The following SMARCE1 variants were observed in gnomAD, a reference collection of about 807,000 sequenced individuals.
SMARCE1 encodes SWI/SNF related BAF chromatin remodeling complex subunit E1, also known as SWI/SNF-related matrix-associated actin-dependent regulator of chromatin subfamily E member 1.
Under a neutral mutation model 54.9 loss-of-function variants are expected in SMARCE1, and 13 were observed. The observed-to-expected ratio is 0.24, with a 90% CI of 0.15 to 0.38. The LOEUF (loss-of-function observed/expected upper bound fraction) is 0.38. Ranked by LOEUF, SMARCE1 falls within the 10% of genes least tolerant of loss-of-function variation. The pLI, the probability that SMARCE1 is intolerant of heterozygous loss-of-function variation, is 1.00. For synonymous variants in SMARCE1, 151 were observed against 175.3 expected, an observed-to-expected ratio of 0.86 and a Z score of 1.10; for missense variants, 295 against 523.8, an observed-to-expected ratio of 0.56 and a Z score of 4.26.
Position 40,628,514 on chromosome 17 carries a change from G to C in SMARCE1, c.*271C>G. 1 of 377,780 alleles carries C rather than the reference G, an allele frequency of 2.6e-6. No individual in the cohort carries two copies. Among genetic ancestry groups the C allele is most frequent in the Non-Finnish European group, 4.9e-6 (1 of 204,156 alleles). The allele number at this position is 377,780 out of a possible 1,614,324, so 23.4% of individuals were successfully genotyped here. Reference sequence around the variant, plus strand: ...AGCATCAAAGGATAATTCTCTAAAAGAGGTGGGTGTTTTCTCAATTAATCT... The same window carrying C: ...AGCATCAAAGGATAATTCTCTAAAACAGGTGGGTGTTTTCTCAATTAATCT... On this transcript the variant is annotated 3_prime_UTR_variant, in exon 11 of 11. Coordinates refer to ENST00000348513, the MANE Select transcript of SMARCE1 (RefSeq NM_003079.5).
rs1192137338 is a variant in SMARCE1, at chr17:40,627,057, C to T, written c.*1728G>A. On this transcript the variant is annotated 3_prime_UTR_variant, in exon 11 of 11. Coordinates refer to ENST00000348513, the MANE Select transcript of SMARCE1 (RefSeq NM_003079.5). ...GGGGCAGTTTTCCACCCATATTAAACTACATCTGCCCCATTTTGACTACTA... is the reference window on the plus strand; with the variant it reads ...GGGGCAGTTTTCCACCCATATTAAATTACATCTGCCCCATTTTGACTACTA... 1 of 152,184 alleles carries T rather than the reference C, an allele frequency of 6.6e-6. No individual in the cohort carries two copies. Among genetic ancestry groups the T allele is most frequent in the Non-Finnish European group, 1.5e-5 (1 of 68,038 alleles). 9.4% of individuals were successfully genotyped at this position (152,184 alleles called of 1,614,324 possible).
chr17:40,645,867 A>G lies in SMARCE1; in HGVS notation c.-45-20T>C, dbSNP rs2037249983. 13 of 676,040 alleles carry G rather than the reference A, an allele frequency of 1.9e-5. No homozygotes were observed. The highest frequency in any genetic ancestry group is 4.4e-5 in the South Asian group (1 of 22,562). The allele number at this position is 676,040 out of a possible 1,614,324, so 41.9% of individuals were successfully genotyped here. A position where few individuals can be genotyped will look rare whatever the true frequency, so the allele number is the denominator to read the frequency against. On this transcript the variant is annotated intron_variant, in intron 1 of 10. Transcript: ENST00000348513. The stretch of plus-strand genomic sequence containing the variant: ...GAGACACTAAAATAAAAAAAAAAGG[A>G]AAAAAAAAAGAGAATCAAAACTCAG...
chr17:40,644,943 T>C (rs1001199328), intron 3 of SMARCE1: 5 of 152,150 alleles, frequency 3.3e-5, no homozygotes, highest in African/African-American at 1.2e-4. Flanking sequence ...GGTTGGAAAA[T>C]TATTTTACAT....
rs879170113 is a variant in SMARCE1 at position 40,637,419 on chromosome 17, T to C, written c.237+73A>G. The C allele has an allele frequency of 1.1e-4, 133 of 1,213,696 alleles. 2 individuals carry two copies. In the South Asian group the frequency reaches 1.6e-3, roughly 14 times the overall value. 75.2% of individuals were successfully genotyped at this position (1,213,696 alleles called of 1,614,324 possible). A position where few individuals can be genotyped will look rare whatever the true frequency, so the allele number is the denominator to read the frequency against. ...TGCACAGAAAAGCTGGCTAAGCCGA[T>C]CTAAAGTTGGATGTTAAGCAAAGAA... On this transcript the variant is annotated intron_variant, in intron 5 of 10. Coordinates refer to ENST00000348513, the MANE Select transcript of SMARCE1 (RefSeq NM_003079.5).
chr17:40,637,470 T>G, intron 5 of SMARCE1, 22 bp downstream of exon 5: 1 of 1,583,206 alleles, frequency 6.3e-7, no homozygotes, highest in South Asian at 1.1e-5. Flanking sequence ...TCCTCACTCC[T>G]TACCAGGTCC....
Position 40,632,259 on chromosome 17 carries a change from GACCGAACGTCTGGC to G in SMARCE1, c.636_649del (p.Pro213SerfsTer6). On this transcript the variant is annotated frameshift_variant, in exon 8 of 11. Transcript: ENST00000348513. LOFTEE classifies it high-confidence loss of function. ...CTGCATTCTAGCTGTTGTGACAACT[GACCGAACGTCTGGC>G]ACCACACTCTCACTAAGAATTTCAC... 1 of 1,613,942 alleles carries G rather than the reference GACCGAACGTCTGGC, an allele frequency of 6.2e-7. No homozygotes were observed. The highest frequency in any genetic ancestry group is 8.5e-7 in the Non-Finnish European group (1 of 1,179,858).
Position 40,628,820 on chromosome 17 carries a change from T to C in SMARCE1, c.1201A>G (p.Thr401Ala). 1 of 1,613,820 alleles carries C rather than the reference T, an allele frequency of 6.2e-7. No individual in the cohort carries two copies. Residue 401 changes from threonine (T) to alanine (A), a missense_variant, in exon 11 of 11, where the codon ACA becomes GCA. Thr to Ala is a moderately conservative substitution (Grantham distance 58). This residue lies in a region of SMARCE1 where 147 missense variants were observed against 161.4 expected (regional missense o/e 0.91). Transcript: ENST00000348513. Reference sequence around the variant, plus strand: ...TTCTCATCTTCTGGTATGGGATCTGTTGGTGGCTCCTCCACTGTTGCACTG... The same window carrying C: ...TTCTCATCTTCTGGTATGGGATCTGCTGGTGGCTCCTCCACTGTTGCACTG... ...SNSATVEEPP[T>A]DPIPEDEKKE
rs750483952 is a variant in SMARCE1 at position 40,630,739 on chromosome 17, G to C, written c.1002C>G (p.Asp334Glu). 7.4e-6 allele frequency: 12 copies of C among 1,613,918 alleles called. No homozygotes were observed. Among genetic ancestry groups the C allele is most frequent in the Non-Finnish European group, 9.3e-6 (11 of 1,179,978 alleles). The change falls in exon 10 of 11, where the codon GAC becomes GAG. Residue 334 changes from aspartate to glutamate, a missense_variant. By Grantham distance (45) the Asp-to-Glu change is conservative. Transcript: ENST00000348513. ...QAANKGEEKK[D>E]DENIPMETEE... ...CTGTCTCCATCGGAATGTTCTCGTC[G>C]TCTTTCTTCTCCTCGCCTTTGTTAG...
intron 3 of SMARCE1, 122 bp downstream of exon 3, chr17:40,645,454 T>C (rs753288615): frequency 1.5e-4 from 85 of 561,642 alleles, no homozygotes; most frequent in Middle Eastern, 1.1e-3. Flanking sequence ...TTTTTTTTTT[T>C]TCTTTTAAGC....
intron 4 of SMARCE1, among the ~76,000 whole-genome samples, chr17:40,639,516 A>G (rs1427890114): frequency 1.3e-5 from 2 of 152,156 alleles, no homozygotes; most frequent in Admixed American, 6.5e-5. Flanking sequence ...TTGCTCTTTG[A>G]TATTTTTCAA....
intron 4 of SMARCE1, chr17:40,641,338 T>C (rs1597749080): frequency 6.6e-6 from 1 of 152,214 alleles, no homozygotes; most frequent in South Asian, 2.1e-4. Flanking sequence ...CCATGAAATA[T>C]GCATGGCACA....
rs114412678 is a variant in SMARCE1, at chr17:40,645,359, T to C, written c.51+217A>G. On this transcript the variant is annotated intron_variant, in intron 3 of 10. Coordinates refer to ENST00000348513, the MANE Select transcript of SMARCE1 (RefSeq NM_003079.5). ...AACAAAACAAACTGAGCACAGGAGGTTGGAGTTTTACAGTACTGTTTCTTT... is the reference window on the plus strand; with the variant it reads ...AACAAAACAAACTGAGCACAGGAGGCTGGAGTTTTACAGTACTGTTTCTTT... 383 of 435,996 alleles carry C rather than the reference T, an allele frequency of 8.8e-4. 1 individual carries two copies. The highest frequency in any genetic ancestry group is 7.3e-3 in the African/African-American group (358 of 48,844). 27.0% of individuals were successfully genotyped at this position (435,996 alleles called of 1,614,324 possible). A position where few individuals can be genotyped will look rare whatever the true frequency, so the allele number is the denominator to read the frequency against.
Position 40,626,560 on chromosome 17 carries a change from T to C in SMARCE1, c.*2225A>G, listed in dbSNP as rs945927950. ...GATTTTTACATCAATCTTCCCCTGC[T>C]GAGGTTCAGAGCTGTCAAATCCCAA... On this transcript the variant is annotated 3_prime_UTR_variant, in exon 11 of 11. Transcript: ENST00000348513. 7 of 152,110 alleles carry C rather than the reference T, an allele frequency of 4.6e-5. No individual in the cohort carries two copies. Among genetic ancestry groups the C allele is most frequent in the Admixed American group, 2.6e-4 (4 of 15,268 alleles). 9.4% of individuals were successfully genotyped at this position (152,110 alleles called of 1,614,324 possible).
At chr17:40,636,195 T>C in intron 6 of SMARCE1, 93 bp from the exon 7 acceptor site, 1 of 1,239,134 alleles carries the variant, frequency 8.1e-7, no homozygotes, top group Non-Finnish European at 1.1e-6. Context: ...AAAGATATGA[T>C]GTAAACAGGG....
intron 8 of SMARCE1, 99 bp from the exon 9 acceptor site, chr17:40,631,792 A>G (rs917878538): frequency 2.8e-6 from 2 of 704,246 alleles, no homozygotes; most frequent in Admixed American, 2.4e-5. Flanking sequence ...TAGATCATTT[A>G]TCACATGAGT....
Position 40,628,289 on chromosome 17 carries a change from CATTG to C in SMARCE1, c.*492_*495del, listed in dbSNP as rs1393167441. On this transcript the variant is annotated 3_prime_UTR_variant, in exon 11 of 11. Transcript: ENST00000348513. ...GCTTAACACAACTCTTGGTATCTGA[CATTG>C]ATTAAAAGTAAAAAAGGGTAAGTGA... 6.4e-6 allele frequency: 1 copy of C among 156,150 alleles called. No homozygotes were observed. The highest frequency in any genetic ancestry group is 1.9e-4 in the East Asian group (1 of 5,300). 9.7% of individuals were successfully genotyped at this position (156,150 alleles called of 1,614,324 possible).
At chr17:40,631,094 C>T in intron 9 of SMARCE1, 170 bp from the exon 10 acceptor site, 3 of 578,516 alleles carry the variant, frequency 5.2e-6, no homozygotes, top group Non-Finnish European at 3.0e-6. Context: ...TTCTCTGAAA[C>T]TCTTGGGTCT....
rs949799009 is a variant in SMARCE1 at position 40,646,524 on chromosome 17, C to A, written c.-45-677G>T. On this transcript the variant is annotated intron_variant, in intron 1 of 10. Transcript: ENST00000348513. Reference sequence around the variant, plus strand: ...CATCTGTATTCCTATACAGTTTACACAGATCTATATTATTATAACTTTTTT... The same window carrying A: ...CATCTGTATTCCTATACAGTTTACAAAGATCTATATTATTATAACTTTTTT... Among the ~76,000 whole-genome samples, 4 of 152,210 alleles carry A rather than the reference C, an allele frequency of 2.6e-5. No homozygotes were observed. In the South Asian group the frequency reaches 8.3e-4, roughly 31 times the overall value.
intron 3 of SMARCE1, chr17:40,643,115 C>T (rs1295594979): frequency 6.6e-6 from 1 of 152,132 alleles, no homozygotes; most frequent in African/African-American, 2.4e-5. Flanking sequence ...AGACTCAAAT[C>T]GGGAAGCCAG....
Sources: gnomAD v4.1 joint callset for allele counts (sites outside exome capture counted in the v4.1 genomes callset) on GRCh38, gnomAD v4.1.1 for gene constraint, gnomAD v4.1.1 regional missense constraint, MANE v1.5 for transcripts, NCBI Gene and HGNC (gene_info 2026-07-23, HGNC 2026-07-21) for gene names.